FHIT: variants seen among roughly 807,000 people sequenced by gnomAD.
FHIT encodes fragile histidine triad diadenosine triphosphatase, also known as bis(5'-adenosyl)-triphosphatase.
In FHIT, 19 loss-of-function variants were observed where a neutral mutation model predicts 17.9. The observed-to-expected ratio is 1.06, with a 90% CI of 0.74 to 1.56. The LOEUF (loss-of-function observed/expected upper bound fraction) is 1.56, where lower values mean the gene tolerates loss of function less well. Among genes scored for constraint, FHIT ranks in the 40% most tolerant of loss-of-function variants. The pLI is 0.00. For missense variants in FHIT, 248 were observed against 189.2 expected (o/e 1.31, Z -1.82); for synonymous variants, 81 against 69.7 (o/e 1.16, Z -0.81).
chr3:60,301,325 A>G (rs943307079), intron 5 of FHIT, among the ~76,000 whole-genome samples: 3 of 152,164 alleles, frequency 2.0e-5, no homozygotes, highest in Non-Finnish European at 4.4e-5. Context: ...TTATGTACGT[A>G]TTACTAAAGA....
intron 5 of FHIT, among the ~76,000 whole-genome samples, chr3:60,297,185 G>T (rs995751511): frequency 6.6e-6 from 1 of 151,890 alleles, no homozygotes; most frequent in African/African-American, 2.4e-5. Flanking sequence ...AAAAATTGTT[G>T]CTGATATTTT....
chr3:59,859,353 AAG>A lies in FHIT; in HGVS notation c.348+62991_348+62992del, dbSNP rs1702310745. Among the ~76,000 whole-genome samples, 4 of 152,324 alleles carry A rather than the reference AAG, an allele frequency of 2.6e-5. No individual in the cohort carries two copies. The South Asian group carries it at 8.3e-4, about 32-fold the overall frequency. On this transcript the variant is annotated intron_variant, in intron 8 of 9. Coordinates refer to ENST00000492590, the MANE Select transcript of FHIT (RefSeq NM_002012.4). ...GAAGAAACAGTGGAAGCTCCAGAGA[AAG>A]AGTCATCCTACAGGAAAAAAAGACC...
At chr3:59,900,960 C>A (rs76667125) in intron 8 of FHIT, among the ~76,000 whole-genome samples, 7,188 of 152,190 alleles carry the variant, frequency 0.047, 207 homozygotes, top group Non-Finnish European at 0.066. Context: ...GATATGATAA[C>A]CTTGGGGTTG....
At chr3:59,911,208 T>G (rs1302117019) in intron 8 of FHIT, among the ~76,000 whole-genome samples, 1 of 152,240 alleles carries the variant, frequency 6.6e-6, no homozygotes, top group Non-Finnish European at 1.5e-5. Context: ...CCTCTATTAT[T>G]TGGCATTTAA....
intron 7 of FHIT, among the ~76,000 whole-genome samples, chr3:59,946,251 T>C (rs1332847178): frequency 6.6e-6 from 1 of 152,188 alleles, no homozygotes; most frequent in African/African-American, 2.4e-5. Flanking sequence ...CATGGTTAGA[T>C]GTATTAGGTA....
At chr3:60,211,822 C>T (rs1261911174) in intron 5 of FHIT, among the ~76,000 whole-genome samples, 2 of 152,200 alleles carry the variant, frequency 1.3e-5, no homozygotes, top group Non-Finnish European at 2.9e-5. Context: ...GATGAGCCTA[C>T]AAGTTGCCTT....
At chr3:61,004,086 C>T (rs796915306) in intron 3 of FHIT, among the ~76,000 whole-genome samples, 7 of 152,110 alleles carry the variant, frequency 4.6e-5, no homozygotes, top group African/African-American at 1.7e-4. Context: ...ATAGAAGAAT[C>T]CCTACCCTAA....
In FHIT at chr3:60,938,347, T is replaced by C. The variant is rs1047821874; in HGVS notation, c.-111+103700A>G. Among the ~76,000 whole-genome samples the C allele has an allele frequency of 2.0e-5, 3 of 152,150 alleles. No homozygotes were observed. The East Asian group carries it at 5.8e-4, about 29-fold the overall frequency. The stretch of plus-strand genomic sequence containing the variant: ...AGCTGAAAGTCATCCACACTTTACA[T>C]GGTCCCCTATACCAGGCTTCAGCCC... On this transcript the variant is annotated intron_variant, in intron 3 of 9. Transcript: ENST00000492590.
intron 4 of FHIT, among the ~76,000 whole-genome samples, chr3:60,604,492 A>C (rs1553670250): frequency 1.3e-5 from 2 of 152,208 alleles, no homozygotes; most frequent in African/African-American, 4.8e-5. Flanking sequence ...CGCAGATAAA[A>C]TCCCAAAAGG....
chr3:60,145,137 T>TA (rs2107312343), intron 5 of FHIT, among the ~76,000 whole-genome samples: 1 of 145,878 alleles, frequency 6.9e-6, no homozygotes, highest in African/African-American at 2.7e-5. Context: ...TTCTCACTGT[T>TA]AGATTGTCCA....
In FHIT at chr3:61,014,808, A is replaced by AAAAAAAAAAAAAT. The variant is rs1156410696; in HGVS notation, c.-111+27238_-111+27239insATTTTTTTTTTTT. ...AAAAAAAAAAAAAAAAAAAAAAAAA[A>AAAAAAAAAAAAAT]TATATATATATATATATGTATACAC... On this transcript the variant is annotated intron_variant, in intron 3 of 9. Transcript: ENST00000492590. Among the ~76,000 whole-genome samples, 56 of 26,972 alleles carry AAAAAAAAAAAAAT rather than the reference A, an allele frequency of 2.1e-3. 8 individuals carry two copies. Among genetic ancestry groups the AAAAAAAAAAAAAT allele is most frequent in the East Asian group, 5.6e-3 (7 of 1,240 alleles). The allele number at this position is 26,972 out of a possible 152,430, so 17.7% of individuals were successfully genotyped here.
intron 5 of FHIT, among the ~76,000 whole-genome samples, chr3:60,020,115 G>T (rs893635718): frequency 6.6e-6 from 1 of 152,192 alleles, no homozygotes; most frequent in Admixed American, 6.5e-5. Flanking sequence ...GACTGGTGGA[G>T]TCAGAACAAA....
At chr3:60,187,317 A>G (rs546037971) in intron 5 of FHIT, among the ~76,000 whole-genome samples, 14 of 152,316 alleles carry the variant, frequency 9.2e-5, no homozygotes, top group African/African-American at 3.4e-4. Flanking sequence ...TGAAGTTACC[A>G]CACGTAATAC....
At chr3:60,815,082 T>C (rs111228704) in intron 4 of FHIT, among the ~76,000 whole-genome samples, 7,732 of 152,112 alleles carry the variant, frequency 0.051, 208 homozygotes, top group South Asian at 0.084. Flanking sequence ...TGCCCATTTT[T>C]TAATGGGGTT....
chr3:59,802,844 T>C (rs1700053827), intron 8 of FHIT, among the ~76,000 whole-genome samples: 1 of 152,124 alleles, frequency 6.6e-6, no homozygotes, highest in South Asian at 2.1e-4. Flanking sequence ...TGGTCTGAAT[T>C]ACAAGCAGTG....
At chr3:59,961,307 G>A (rs563316150) in intron 7 of FHIT, among the ~76,000 whole-genome samples, 8 of 152,206 alleles carry the variant, frequency 5.3e-5, no homozygotes, top group African/African-American at 4.8e-5. Flanking sequence ...TACAATACAC[G>A]TACCAAGTAA....
At chr3:60,628,061 A>G (rs1250270435) in intron 4 of FHIT, among the ~76,000 whole-genome samples, 1 of 152,116 alleles carries the variant, frequency 6.6e-6, no homozygotes, top group Non-Finnish European at 1.5e-5. Context: ...CTGATTTGAG[A>G]TTTTTTAAAA....
intron 5 of FHIT, among the ~76,000 whole-genome samples, chr3:60,392,106 A>G (rs1173093806): frequency 6.6e-6 from 1 of 152,170 alleles, no homozygotes; most frequent in African/African-American, 2.4e-5. Flanking sequence ...TAGATTTCAA[A>G]CTTTTCTTCC....
chr3:60,732,239 C>T (rs1435456448), intron 4 of FHIT: 1 of 856,508 alleles, frequency 1.2e-6, no homozygotes, highest in Non-Finnish European at 2.0e-6. Context: ...ATATTCATGC[C>T]TTCACCATGC....
Sources: allele counts gnomAD v4.1 joint callset (sites outside exome capture counted in the v4.1 genomes callset), GRCh38; gene constraint gnomAD v4.1.1; transcripts MANE v1.5; gene names NCBI Gene and HGNC (gene_info 2026-07-23, HGNC 2026-07-21).